Variants in VPS13B observed in about 807,000 individuals in gnomAD.
VPS13B encodes vacuolar protein sorting 13 homolog B.
Under a neutral mutation model 426.4 loss-of-function variants are expected in VPS13B, and 285 were observed. That is an observed-to-expected ratio of 0.67 (90% CI 0.61 to 0.74). VPS13B has a LOEUF of 0.74. Among genes scored for constraint, VPS13B ranks in the 30% least tolerant of loss-of-function variants. The pLI is 0.00. For synonymous variants in VPS13B, 1,676 were observed against 1,676.4 expected, an observed-to-expected ratio of 1.00 and a Z score of 0.01; for missense variants, 4,537 against 4,782.6, an observed-to-expected ratio of 0.95 and a Z score of 1.51.
At chr8:99,507,390 C>T (rs918694141) in intron 28 of VPS13B, among the ~76,000 whole-genome samples, 187 bp downstream of exon 28, 21 of 152,060 alleles carry the variant, frequency 1.4e-4, no homozygotes, top group Non-Finnish European at 4.4e-5. Context: ...GTTTTGTAAC[C>T]ATCTTCCTGT....
At chr8:99,088,467 G>T (rs892557087) in intron 3 of VPS13B, among the ~76,000 whole-genome samples, 1 of 152,146 alleles carries the variant, frequency 6.6e-6, no homozygotes, top group African/African-American at 2.4e-5. Context: ...AAGGACAGAG[G>T]ATTTTGGGGG....
intron 43 of VPS13B, among the ~76,000 whole-genome samples, chr8:99,788,983 T>C (rs570185415): frequency 6.6e-6 from 1 of 152,310 alleles, no homozygotes; most frequent in South Asian, 2.1e-4. Context: ...ATAGTTAAAA[T>C]CTAACTTCTA....
chr8:99,656,885 C>G (rs1830038012), intron 34 of VPS13B, among the ~76,000 whole-genome samples: 1 of 152,186 alleles, frequency 6.6e-6, no homozygotes, highest in South Asian at 2.1e-4. Context: ...AAAGGGCCAC[C>G]AGCCCTATCC....
chr8:99,815,088 GGT>G (rs780904621), intron 44 of VPS13B, among the ~76,000 whole-genome samples: 24 of 151,408 alleles, frequency 1.6e-4, no homozygotes, highest in South Asian at 6.3e-4. Flanking sequence ...CTGATGAGGG[GGT>G]GTGTGTGTGC....
intron 33 of VPS13B, among the ~76,000 whole-genome samples, chr8:99,584,783 TA>T (rs1364313698): frequency 6.6e-6 from 1 of 152,214 alleles, no homozygotes; most frequent in East Asian, 1.9e-4. Context: ...ATTTATTCAA[TA>T]AATATTGAAT....
chr8:99,579,614 G>C (rs1313054776), intron 33 of VPS13B, among the ~76,000 whole-genome samples: 2 of 151,572 alleles, frequency 1.3e-5, no homozygotes, highest in Non-Finnish European at 2.9e-5. Flanking sequence ...TGGCCAGGCT[G>C]GTCTCCAACT....
intron 50 of VPS13B, among the ~76,000 whole-genome samples, chr8:99,822,202 A>G (rs1269740496): frequency 6.6e-6 from 1 of 152,224 alleles, no homozygotes; most frequent in East Asian, 1.9e-4. Context: ...TAGAAAAAGA[A>G]GGGATACTTC....
At chr8:99,576,147 C>T (rs1306596580) in intron 32 of VPS13B, among the ~76,000 whole-genome samples, 1 of 152,076 alleles carries the variant, frequency 6.6e-6, no homozygotes, top group South Asian at 2.1e-4. Context: ...TCAAACTGAT[C>T]AATAGAAGAA....
At chr8:99,234,109 G>C in intron 17 of VPS13B, 1 of 784,540 alleles carries the variant, frequency 1.3e-6, no homozygotes. Flanking sequence ...CCTTGCTCCC[G>C]GAAGAGTGGT....
chr8:99,797,262 CAG>C (rs903950551), intron 43 of VPS13B: 5 of 150,908 alleles, frequency 3.3e-5, no homozygotes, highest in East Asian at 1.9e-4. Context: ...TTTTTTGAGA[CAG>C]AGTTTTGCTC....
intron 17 of VPS13B, among the ~76,000 whole-genome samples, chr8:99,224,882 A>G (rs1815926221): frequency 6.6e-6 from 1 of 152,190 alleles, no homozygotes; most frequent in Non-Finnish European, 1.5e-5. Context: ...AAATTTTCTT[A>G]GATTCAAAGT....
At chr8:99,779,362 G>T (rs972509064) in intron 42 of VPS13B, among the ~76,000 whole-genome samples, 4 of 152,240 alleles carry the variant, frequency 2.6e-5, no homozygotes, top group South Asian at 2.1e-4. Flanking sequence ...CTTCAACTTA[G>T]CTATGTATCA....
intron 30 of VPS13B, among the ~76,000 whole-genome samples, chr8:99,542,188 C>G (rs1322710067): frequency 6.6e-6 from 1 of 152,122 alleles, no homozygotes; most frequent in Non-Finnish European, 1.5e-5. Context: ...CGTGCCTGGC[C>G]TAAGCAATAA....
At chr8:99,771,029 C>T (rs1255384474) in intron 40 of VPS13B, among the ~76,000 whole-genome samples, 1 of 152,196 alleles carries the variant, frequency 6.6e-6, no homozygotes, top group Admixed American at 6.5e-5. Flanking sequence ...TGGATCAGAA[C>T]AATTTTTACT....
intron 19 of VPS13B, among the ~76,000 whole-genome samples, chr8:99,351,788 C>T (rs1811909393): frequency 1.3e-5 from 2 of 151,994 alleles, no homozygotes; most frequent in Admixed American, 1.3e-4. Context: ...TTAAGGAAAG[C>T]TGACATATGA....
chr8:99,755,935 A>G (rs1301931879), intron 39 of VPS13B, among the ~76,000 whole-genome samples: 2 of 152,002 alleles, frequency 1.3e-5, no homozygotes, highest in Non-Finnish European at 2.9e-5. Context: ...AGAAAGTAGT[A>G]TGAGATGGGC....
intron 54 of VPS13B, among the ~76,000 whole-genome samples, chr8:99,838,964 C>T (rs376920940): frequency 1.3e-5 from 2 of 152,164 alleles, no homozygotes; most frequent in Admixed American, 6.5e-5. Flanking sequence ...GACAGAGGGT[C>T]GGAGAGAGGG....
chr8:99,797,220 A>G (rs1459215087), intron 43 of VPS13B: 5 of 151,998 alleles, frequency 3.3e-5, no homozygotes, highest in African/African-American at 9.7e-5. Context: ...TAGACAGCTG[A>G]TAAGTGTTCC....
intron 16 of VPS13B, among the ~76,000 whole-genome samples, chr8:99,187,838 T>C (rs760343230): frequency 2.6e-4 from 39 of 150,810 alleles, no homozygotes; most frequent in Admixed American, 1.3e-4. Context: ...CATGCTGGTA[T>C]GCACCCATTG....
Sources: gnomAD v4.1 joint callset for allele counts (sites outside exome capture counted in the v4.1 genomes callset) on GRCh38, gnomAD v4.1.1 for gene constraint, MANE v1.5 for transcripts, NCBI Gene and HGNC (gene_info 2026-07-23, HGNC 2026-07-21) for gene names.